Variants in DAB1 observed in about 807,000 individuals in gnomAD.
The protein encoded by DAB1 is disabled homolog 1.
DAB1 carries 15 observed loss-of-function variants against 64.6 expected under a neutral mutation model. The observed-to-expected ratio is 0.23, with a 90% CI of 0.16 to 0.36. The LOEUF is 0.36. DAB1 is among the 10% of genes least tolerant of loss of function. DAB1 has a pLI of 1.00. For synonymous variants in DAB1, 235 were observed against 251.9 expected, an observed-to-expected ratio of 0.93 and a Z score of 0.64; for missense variants, 596 against 706.7, an observed-to-expected ratio of 0.84 and a Z score of 1.78.
At chr1:57,629,066 C>T (rs984184681) in intron 7 of DAB1, among the ~76,000 whole-genome samples, 2 of 152,036 alleles carry the variant, frequency 1.3e-5, no homozygotes, top group Admixed American at 1.3e-4. Flanking sequence ...AATTTTAAAC[C>T]TGTGATTAAA....
At chr1:58,222,882 C>T (rs1318906721) in intron 4 of DAB1, among the ~76,000 whole-genome samples, 1 of 152,164 alleles carries the variant, frequency 6.6e-6, no homozygotes, top group Non-Finnish European at 1.5e-5. Context: ...GGTATTATCC[C>T]ATTTTACAGC....
intron 3 of DAB1, among the ~76,000 whole-genome samples, chr1:58,446,822 T>C (rs888491150): frequency 4.6e-5 from 7 of 152,158 alleles, no homozygotes; most frequent in African/African-American, 1.7e-4. Context: ...ACTCTAACTC[T>C]CCAAACTCTC....
chr1:58,324,179 T>C (rs17495152), intron 4 of DAB1, among the ~76,000 whole-genome samples: 1,916 of 152,194 alleles, frequency 0.013, 20 homozygotes, highest in Non-Finnish European at 0.02. Context: ...TCCACAAATA[T>C]CATCTAATTG....
At chr1:57,681,736 C>A (rs1415501203) in intron 6 of DAB1, among the ~76,000 whole-genome samples, 1 of 152,152 alleles carries the variant, frequency 6.6e-6, no homozygotes. Context: ...GTACTGATTA[C>A]TGATGAATGA....
intron 6 of DAB1, among the ~76,000 whole-genome samples, chr1:57,779,882 A>T (rs1050367814): frequency 2.0e-5 from 3 of 152,162 alleles, no homozygotes; most frequent in African/African-American, 7.2e-5. Context: ...GCTGTGTGCC[A>T]TTCTCCATCA....
At chr1:57,047,269 G>A (rs529820602) in intron 9 of DAB1, among the ~76,000 whole-genome samples, 4 of 152,160 alleles carry the variant, frequency 2.6e-5, no homozygotes, top group African/African-American at 9.7e-5. Flanking sequence ...GCTTGGTGAG[G>A]TTTCAGTATT....
intron 2 of DAB1, among the ~76,000 whole-genome samples, chr1:57,252,157 A>G (rs576262892): frequency 6.6e-6 from 1 of 152,338 alleles, no homozygotes; most frequent in South Asian, 2.1e-4. Context: ...ATGTAAAGAT[A>G]CATTCATTTG....
chr1:58,212,183 T>C (rs946449445), intron 4 of DAB1, among the ~76,000 whole-genome samples: 15 of 152,182 alleles, frequency 9.9e-5, no homozygotes, highest in Non-Finnish European at 1.9e-4. Flanking sequence ...CCTCCTTCCA[T>C]GGTTCAAGTG....
intron 3 of DAB1, chr1:58,468,471 C>T (rs1293741487): frequency 6.6e-6 from 1 of 152,176 alleles, no homozygotes; most frequent in Admixed American, 6.5e-5. Context: ...ATCTGTTTCC[C>T]AGGTGAGAGA....
intron 7 of DAB1, among the ~76,000 whole-genome samples, chr1:57,462,221 T>C (rs1686808611): frequency 6.6e-6 from 1 of 152,118 alleles, no homozygotes; most frequent in Non-Finnish European, 1.5e-5. Context: ...AGTGCTGGGA[T>C]TACAGGCGTG....
rs1260418571 is a variant in DAB1 at position 57,251,605 on chromosome 1, C to T, written c.67+39359G>A. ...CAAAAAGAGACATCATTAGACAGGGCTTATAACTGCTGCCCCCTTGATTTT... is the reference window on the plus strand; with the variant it reads ...CAAAAAGAGACATCATTAGACAGGGTTTATAACTGCTGCCCCCTTGATTTT... On this transcript the variant is annotated intron_variant, in intron 2 of 14. Transcript: ENST00000371236. Among the ~76,000 whole-genome samples, 10 of 152,252 alleles carry T rather than the reference C, an allele frequency of 6.6e-5. No homozygotes were observed. In the South Asian group the frequency reaches 1.2e-3, roughly 19 times the overall value.
intron 1 of DAB1, among the ~76,000 whole-genome samples, chr1:57,831,413 C>T (rs747698054): frequency 5.9e-5 from 9 of 152,022 alleles, no homozygotes; most frequent in Non-Finnish European, 8.8e-5. Flanking sequence ...ATGTTGAGTT[C>T]TGTGAGTCCT....
In DAB1 at chr1:58,531,215, C is replaced by T. The variant is rs1040349878; in HGVS notation, n.33-3880G>A. Among the ~76,000 whole-genome samples, 2 of 152,156 alleles carry T rather than the reference C, an allele frequency of 1.3e-5. 1 individual carries two copies. The highest frequency in any genetic ancestry group is 6.8e-3 in the Middle Eastern group (2 of 294). ...AATATTTTTGGATAAAGACTAAACA[C>T]TACCTAACATATGAAGCACTTAAAA... On this transcript the variant is annotated intron_variant and non_coding_transcript_variant, in intron 1 of 20. Transcript: ENST00000485760.
intron 5 of DAB1, among the ~76,000 whole-genome samples, chr1:58,075,960 C>A (rs1269526277): frequency 6.6e-6 from 1 of 152,144 alleles, no homozygotes; most frequent in Non-Finnish European, 1.5e-5. Context: ...CACACACACA[C>A]ACACAAACAC....
intron 14 of DAB1, among the ~76,000 whole-genome samples, chr1:57,005,458 C>T (rs1285110903): frequency 4.6e-5 from 7 of 152,108 alleles, no homozygotes; most frequent in Admixed American, 3.9e-4. Context: ...CTGTCTTCTC[C>T]TTTGTTAGAT....
intron 5 of DAB1, among the ~76,000 whole-genome samples, chr1:58,123,676 C>T (rs1034310344): frequency 1.3e-5 from 2 of 152,084 alleles, no homozygotes; most frequent in Non-Finnish European, 2.9e-5. Flanking sequence ...ACTAGCTGTC[C>T]GATCTCCAGG....
At chr1:58,153,018 A>C (rs1655027666) in intron 4 of DAB1, among the ~76,000 whole-genome samples, 1 of 152,204 alleles carries the variant, frequency 6.6e-6, no homozygotes, top group African/African-American at 2.4e-5. Context: ...AGAAAACAAA[A>C]AAATTGGCAG....
At chr1:57,789,895 C>T (rs1197561421) in intron 6 of DAB1, among the ~76,000 whole-genome samples, 1 of 152,172 alleles carries the variant, frequency 6.6e-6, no homozygotes, top group African/African-American at 2.4e-5. Context: ...AGAAGTTTTG[C>T]TGTGACCTGC....
intron 2 of DAB1, among the ~76,000 whole-genome samples, chr1:57,195,481 A>G (rs1039751461): frequency 1.3e-5 from 2 of 152,224 alleles, no homozygotes; most frequent in Admixed American, 6.5e-5. Context: ...GCCTTTTCCC[A>G]TCATATTCCC....
Sources: allele counts gnomAD v4.1 joint callset (sites outside exome capture counted in the v4.1 genomes callset), GRCh38; gene constraint gnomAD v4.1.1; transcripts MANE v1.5; gene names NCBI Gene and HGNC (gene_info 2026-07-23, HGNC 2026-07-21).